Variants in CEP120 observed in about 807,000 individuals in gnomAD.
CEP120 encodes the protein centrosomal protein 120.
CEP120 carries 113 observed loss-of-function variants against 126.5 expected under a neutral mutation model. The observed-to-expected ratio is 0.89, with a 90% CI of 0.77 to 1.04. The LOEUF (loss-of-function observed/expected upper bound fraction) is 1.04, where lower values mean the gene tolerates loss of function less well. Ranked by LOEUF, CEP120 falls within the 50% of genes least tolerant of loss-of-function variation. The pLI is 0.00. For missense variants in CEP120, 1,230 were observed against 1,155.7 expected (o/e 1.06, Z -0.93); for synonymous variants, 400 against 394.3 (o/e 1.01, Z -0.17).
At chr5:123,392,451 T>C (rs1417483222) in intron 6 of CEP120, among the ~76,000 whole-genome samples, 3 of 152,202 alleles carry the variant, frequency 2.0e-5, no homozygotes, top group African/African-American at 7.2e-5. Flanking sequence ...ACCACCCTAT[T>C]TCAGTTTGAT....
Position 123,346,634 on chromosome 5 carries a change from A to C in CEP120, c.2846T>G (p.Ile949Arg), listed in dbSNP as rs1156559479. ...TCTCATCAAAGTATCCCTTTCTTCT[A>C]TCAGGCGAGTCAAATAATCATCCAA... Reference protein sequence around the residue: ...EGLDDYLTRLIEERDTLMRTG... With the variant: ...EGLDDYLTRLREERDTLMRTG... The change falls in exon 20 of 20, where the codon ATA (isoleucine) becomes AGA (arginine). Residue 949 changes from isoleucine to arginine, a missense_variant. Coordinates refer to ENST00000306467, the MANE Select transcript of CEP120 (RefSeq NM_001375405.1). 1 of 1,614,002 alleles carries C rather than the reference A, an allele frequency of 6.2e-7. No homozygotes were observed. Among genetic ancestry groups the C allele is most frequent in the East Asian group, 2.2e-5 (1 of 44,862 alleles).
At chr5:123,348,383 C>T (rs1469811814) in intron 19 of CEP120, among the ~76,000 whole-genome samples, 6 of 152,034 alleles carry the variant, frequency 3.9e-5, no homozygotes, top group Non-Finnish European at 8.8e-5. Context: ...TAAACTAGAA[C>T]CAAGAAAGTG....
At chr5:123,402,085 C>G in intron 4 of CEP120, 1 of 1,583,800 alleles carries the variant, frequency 6.3e-7, no homozygotes, top group Non-Finnish European at 8.7e-7. Context: ...TGGGTGCACA[C>G]AGCCTGGATG....
chr5:123,396,300 C>G (rs577344508), intron 5 of CEP120, among the ~76,000 whole-genome samples: 12 of 152,198 alleles, frequency 7.9e-5, no homozygotes, highest in African/African-American at 2.6e-4. Flanking sequence ...ATTTCCAATA[C>G]TTTTGGGTGT....
rs199537043 is a variant in CEP120 at position 123,419,831 on chromosome 5, C to CA, written c.50-1317dup. Among the ~76,000 whole-genome samples, 595 of 151,448 alleles carry CA rather than the reference C, an allele frequency of 3.9e-3. 7 individuals carry two copies. Among genetic ancestry groups the CA allele is most frequent in the African/African-American group, 0.013 (552 of 41,244 alleles). ...GAGGATCTAGTTAAGAGAAACAAAC[C>CA]AAAAAAAACTGAAAATAGGAAGCTA... On this transcript the variant is annotated intron_variant, in intron 1 of 19. Transcript: ENST00000306467.
chr5:123,399,002 A>T (rs1772990805), intron 5 of CEP120, 134 bp downstream of exon 5: 1 of 575,234 alleles, frequency 1.7e-6, no homozygotes, highest in Admixed American at 3.3e-5. Flanking sequence ...ATGAAAGAAA[A>T]CATGTTTTGA....
chr5:123,402,240 G>T, intron 4 of CEP120: 1 of 1,506,602 alleles, frequency 6.6e-7, no homozygotes, highest in Non-Finnish European at 9.1e-7. Context: ...GAAGCTTGAG[G>T]AGCTGATGTG....
At position 123,418,599 on chromosome 5, in the gene CEP120, GTT is replaced by G. The variant is rs10544575; in HGVS notation, c.50-86_50-85del. 0.35 allele frequency: 300,309 copies of G among 857,402 alleles called. 25,033 individuals carry two copies. Among genetic ancestry groups the G allele is most frequent in the African/African-American group, 0.4 (22,477 of 55,544 alleles). The allele number at this position is 857,402 out of a possible 1,614,324, so 53.1% of individuals were successfully genotyped here. ...TACCATGTGTTTTTTTGTTTGGCTGGTTTTTTTTTTTTTTTGAGATGGAGTCT... is the reference window on the plus strand; with the variant it reads ...TACCATGTGTTTTTTTGTTTGGCTGGTTTTTTTTTTTTTGAGATGGAGTCT... On this transcript the variant is annotated intron_variant, in intron 1 of 19. Coordinates refer to ENST00000306467, the MANE Select transcript of CEP120 (RefSeq NM_001375405.1).
At chr5:123,388,109 C>T (rs901587690) in intron 9 of CEP120, among the ~76,000 whole-genome samples, 8 of 115,640 alleles carry the variant, frequency 6.9e-5, no homozygotes, top group Admixed American at 2.6e-4. Flanking sequence ...AAAAAAAGCA[C>T]TTTTCAAGTT....
intron 18 of CEP120, among the ~76,000 whole-genome samples, chr5:123,357,790 A>G (rs567580488): frequency 6.6e-6 from 1 of 152,120 alleles, no homozygotes; most frequent in South Asian, 2.1e-4. Flanking sequence ...AGTTATTAGT[A>G]ACTAGAGGAA....
At chr5:123,419,131 T>G (rs1774557314) in intron 1 of CEP120, among the ~76,000 whole-genome samples, 1 of 152,214 alleles carries the variant, frequency 6.6e-6, no homozygotes, top group African/African-American at 2.4e-5. Flanking sequence ...GATTCCGCAT[T>G]TCTAACAAGA....
intron 4 of CEP120, among the ~76,000 whole-genome samples, chr5:123,405,127 C>G (rs1431068384): frequency 6.6e-6 from 1 of 152,196 alleles, no homozygotes; most frequent in Non-Finnish European, 1.5e-5. Context: ...CTCAGGAAAA[C>G]TGCTGCTCCC....
In CEP120 at chr5:123,382,150, C is replaced by T; in HGVS notation, c.2064G>A (p.Lys688=). The change falls in exon 14 of 20, where the codon AAG becomes AAA. Residue 688 remains lysine, a synonymous_variant. Transcript: ENST00000306467. ...GTGATTCTCTTTCTCGGTCCCTTTT[C>T]TTCCATTCCTCTGCAAGAGCCTGCA... is the stretch of plus-strand genomic sequence containing the variant. ...AHMQALAEEW[K]KRDRERESLV... is the part of the protein sequence containing the mutation. 6.2e-7 allele frequency: 1 copy of T among 1,609,746 alleles called. No individual in the cohort carries two copies. Among genetic ancestry groups the T allele is most frequent in the Non-Finnish European group, 8.5e-7 (1 of 1,178,084 alleles).
At chr5:123,378,155 T>C (rs1233818809) in intron 15 of CEP120, among the ~76,000 whole-genome samples, 181 bp downstream of exon 15, 52 of 151,990 alleles carry the variant, frequency 3.4e-4, no homozygotes, top group African/African-American at 4.8e-5. Context: ...TAAATAATTA[T>C]GTAAGACTCT....
intron 18 of CEP120, among the ~76,000 whole-genome samples, chr5:123,353,270 T>G (rs961352931): frequency 5.9e-5 from 9 of 151,970 alleles, no homozygotes; most frequent in Non-Finnish European, 1.3e-4. Flanking sequence ...GATTAACAAA[T>G]TTCCTGTCTA....
intron 19 of CEP120, 99 bp from the exon 20 acceptor site, chr5:123,346,852 G>A (rs983482326): frequency 2.2e-6 from 2 of 895,536 alleles, no homozygotes; most frequent in Non-Finnish European, 3.2e-6. Flanking sequence ...CAAGGTTTTA[G>A]TAATATTTTC....
At chr5:123,419,343 C>G (rs750706598) in intron 1 of CEP120, among the ~76,000 whole-genome samples, 2 of 152,116 alleles carry the variant, frequency 1.3e-5, no homozygotes, top group African/African-American at 4.8e-5. Context: ...TTTCTGTTAA[C>G]TCAGTTAAGA....
At chr5:123,398,236 G>A (rs1456794686) in intron 5 of CEP120, among the ~76,000 whole-genome samples, 1 of 151,902 alleles carries the variant, frequency 6.6e-6, no homozygotes, top group Admixed American at 6.6e-5. Context: ...GATGGCAGAG[G>A]AGGGAAAAAA....
chr5:123,362,598 C>A (rs193030328), intron 18 of CEP120, among the ~76,000 whole-genome samples: 30 of 151,848 alleles, frequency 2.0e-4, no homozygotes, highest in African/African-American at 7.0e-4. Flanking sequence ...ATGATAAATT[C>A]TGAAGGGCTC....
Sources: gnomAD v4.1 joint callset for allele counts (sites outside exome capture counted in the v4.1 genomes callset) on GRCh38, gnomAD v4.1.1 for gene constraint, MANE v1.5 for transcripts, NCBI Gene and HGNC (gene_info 2026-07-23, HGNC 2026-07-21) for gene names.